Variants in NRXN3 observed in about 807,000 individuals in gnomAD.
NRXN3 encodes neurexin III.
Under a neutral mutation model 137.6 loss-of-function variants are expected in NRXN3, and 32 were observed. The observed-to-expected ratio is 0.23, with a 90% CI of 0.18 to 0.31. The LOEUF (loss-of-function observed/expected upper bound fraction) is 0.31, where lower values mean the gene tolerates loss of function less well. NRXN3 is among the 10% of genes least tolerant of loss of function. The pLI is 1.00. For synonymous variants in NRXN3, 798 were observed against 784.5 expected (o/e 1.02, Z -0.29); for missense variants, 1,574 against 2,062.5 (o/e 0.76, Z 4.59).
chr14:79,587,406 C>T (rs1159029849), intron 16 of NRXN3, among the ~76,000 whole-genome samples: 2 of 152,204 alleles, frequency 1.3e-5, no homozygotes, highest in Non-Finnish European at 2.9e-5. Context: ...TGGATGACTG[C>T]CATGATTTGC....
At chr14:79,104,233 A>G (rs1412949771) in intron 15 of NRXN3, among the ~76,000 whole-genome samples, 3 of 152,224 alleles carry the variant, frequency 2.0e-5, no homozygotes. Context: ...TCAATAGGAC[A>G]TGTGGAAACA....
chr14:78,891,675 A>G (rs1292369190), intron 10 of NRXN3, among the ~76,000 whole-genome samples: 1 of 151,988 alleles, frequency 6.6e-6, no homozygotes, highest in Non-Finnish European at 1.5e-5. Flanking sequence ...GCTCTTCTGC[A>G]GAACACATTT....
intron 16 of NRXN3, among the ~76,000 whole-genome samples, chr14:79,631,498 C>CA (rs1459224219): frequency 6.6e-6 from 1 of 152,178 alleles, no homozygotes; most frequent in Non-Finnish European, 1.5e-5. Flanking sequence ...CGCTCGCTGG[C>CA]AGGCAAGGGT....
chr14:79,335,517 C>T (rs1025074720), intron 15 of NRXN3, among the ~76,000 whole-genome samples: 2 of 152,054 alleles, frequency 1.3e-5, no homozygotes, highest in Non-Finnish European at 2.9e-5. Flanking sequence ...ATATTCTGTA[C>T]TCCTTTTACT....
intron 7 of NRXN3, among the ~76,000 whole-genome samples, chr14:78,710,195 T>C (rs565557196): frequency 1.3e-5 from 2 of 152,332 alleles, no homozygotes; most frequent in South Asian, 4.1e-4. Context: ...TACATTCAAT[T>C]TAAAGCCTTC....
intron 10 of NRXN3, among the ~76,000 whole-genome samples, chr14:78,880,548 G>A (rs2099126260): frequency 1.3e-5 from 2 of 152,118 alleles, no homozygotes; most frequent in Admixed American, 1.3e-4. Context: ...CCACTCCCTG[G>A]CTTTCTGCCA....
intron 15 of NRXN3, among the ~76,000 whole-genome samples, chr14:79,389,538 C>T (rs971007466): frequency 1.3e-5 from 2 of 152,098 alleles, no homozygotes; most frequent in African/African-American, 4.8e-5. Flanking sequence ...TAGCATTTGG[C>T]AAATAACCCA....
intron 17 of NRXN3, among the ~76,000 whole-genome samples, chr14:79,675,433 T>G (rs571439196): frequency 6.6e-6 from 1 of 152,260 alleles, no homozygotes; most frequent in South Asian, 2.1e-4. Flanking sequence ...AAAAACAAGC[T>G]GTGATGAACC....
chr14:79,669,474 A>G (rs1249734302), intron 17 of NRXN3, among the ~76,000 whole-genome samples: 1 of 152,142 alleles, frequency 6.6e-6, no homozygotes, highest in Non-Finnish European at 1.5e-5. Context: ...TTTGTCAGAA[A>G]TGAATTAGGA....
chr14:78,387,493 G>C (rs2090142863), intron 4 of NRXN3, among the ~76,000 whole-genome samples: 2 of 152,148 alleles, frequency 1.3e-5, no homozygotes, highest in East Asian at 3.9e-4. Flanking sequence ...CCTACATCCT[G>C]AAGGGGCTGT....
At chr14:79,545,936 G>C (rs971279049) in intron 16 of NRXN3, among the ~76,000 whole-genome samples, 5 of 152,006 alleles carry the variant, frequency 3.3e-5, no homozygotes, top group Non-Finnish European at 5.9e-5. Flanking sequence ...CCGGTGGGAG[G>C]TAATTGAATC....
intron 19 of NRXN3, among the ~76,000 whole-genome samples, chr14:79,729,247 C>A (rs1459657452): frequency 6.6e-6 from 1 of 152,144 alleles, no homozygotes; most frequent in Non-Finnish European, 1.5e-5. Flanking sequence ...AGGGGAAAAT[C>A]AAGAAGTTAG....
At chr14:78,390,032 G>A (rs2090543804) in intron 4 of NRXN3, among the ~76,000 whole-genome samples, 1 of 152,064 alleles carries the variant, frequency 6.6e-6, no homozygotes, top group Admixed American at 6.5e-5. Context: ...TATATATGAG[G>A]TTCTCTACTA....
At chr14:78,365,265 A>G (rs2085749967) in intron 4 of NRXN3, among the ~76,000 whole-genome samples, 1 of 152,104 alleles carries the variant, frequency 6.6e-6, no homozygotes, top group Non-Finnish European at 1.5e-5. Flanking sequence ...GTGGATGTGC[A>G]TTAGTTGGGG....
intron 15 of NRXN3, among the ~76,000 whole-genome samples, chr14:79,329,151 T>C (rs148705195): frequency 3.3e-4 from 50 of 152,198 alleles, no homozygotes; most frequent in African/African-American, 1.1e-3. Flanking sequence ...TTACTCAGAG[T>C]AGATGTGAGA....
intron 16 of NRXN3, among the ~76,000 whole-genome samples, chr14:79,565,913 T>C (rs1205197792): frequency 1.3e-5 from 2 of 152,074 alleles, no homozygotes; most frequent in Non-Finnish European, 2.9e-5. Context: ...GAAAAATAAT[T>C]CAATTTAGAG....
At chr14:79,018,365 C>A (rs2964900) in intron 15 of NRXN3, among the ~76,000 whole-genome samples, 3 of 149,796 alleles carry the variant, frequency 2.0e-5, no homozygotes, top group African/African-American at 7.4e-5. Context: ...ACTCAAGGAA[C>A]CTTTGATGGG....
chr14:79,551,942 G>A (rs905194072), intron 16 of NRXN3, among the ~76,000 whole-genome samples: 32 of 152,170 alleles, frequency 2.1e-4, no homozygotes, highest in Admixed American at 2.1e-3. Flanking sequence ...GACACACCAG[G>A]TTTCCACTGC....
At chr14:79,192,593 C>T (rs901356501) in intron 15 of NRXN3, among the ~76,000 whole-genome samples, 2 of 152,102 alleles carry the variant, frequency 1.3e-5, no homozygotes, top group Non-Finnish European at 2.9e-5. Context: ...AAAGTCACTT[C>T]ACTTCCATAG....
Sources: allele counts gnomAD v4.1 joint callset (sites outside exome capture counted in the v4.1 genomes callset), GRCh38; gene constraint gnomAD v4.1.1; transcripts MANE v1.5; gene names NCBI Gene and HGNC (gene_info 2026-07-23, HGNC 2026-07-21).